Variants in MLIP observed in about 807,000 individuals in gnomAD.
MLIP encodes muscular LMNA-interacting protein.
MLIP carries 79 observed loss-of-function variants against 84.8 expected under a neutral mutation model. The observed-to-expected ratio is 0.93, with a 90% CI of 0.78 to 1.12. The LOEUF (loss-of-function observed/expected upper bound fraction) is 1.12, where lower values mean the gene tolerates loss of function less well. Among genes scored for constraint, MLIP ranks in the 50% most tolerant of loss-of-function variants. The pLI is 0.00. For missense variants in MLIP, 1,257 were observed against 1,160.6 expected (o/e 1.08, Z -1.21); for synonymous variants, 504 against 463.0 (o/e 1.09, Z -1.14).
rs1766342626 is a variant in MLIP, at chr6:54,068,947, G to C, written c.63+49856G>C. On this transcript the variant is annotated intron_variant, in intron 1 of 12. Coordinates refer to the MLIP transcript ENST00000274897. ...CCATGTGTGCTCTAATTCATTGTCA[G>C]GTGGTGTAGCTATGAAATGTCAACT... Among the ~76,000 whole-genome samples the C allele has an allele frequency of 2.0e-5, 2 of 100,680 alleles. 1 individual carries two copies. Among genetic ancestry groups the C allele is most frequent in the Admixed American group, 1.8e-4 (2 of 10,924 alleles). The allele number at this position is 100,680 out of a possible 152,430, so 66.0% of individuals were successfully genotyped here.
At chr6:54,024,962 C>T (rs555974099) in intron 1 of MLIP, among the ~76,000 whole-genome samples, 2 of 151,648 alleles carry the variant, frequency 1.3e-5, no homozygotes, top group South Asian at 2.1e-4. Context: ...CTCAGTCTCC[C>T]GAGTAGCTGG....
intron 1 of MLIP, among the ~76,000 whole-genome samples, chr6:54,105,710 T>C (rs1768962676): frequency 6.6e-6 from 1 of 152,076 alleles, no homozygotes; most frequent in South Asian, 2.1e-4. Flanking sequence ...TATAAGGTGG[T>C]AAGGGATCTT....
intron 9 of MLIP, among the ~76,000 whole-genome samples, chr6:54,180,812 A>G (rs1327853467): frequency 6.6e-6 from 1 of 152,166 alleles, no homozygotes; most frequent in Non-Finnish European, 1.5e-5. Context: ...GAGAGGTCAC[A>G]TATCCCTGTT....
At chr6:54,253,011 G>A (rs1434796193) in intron 12 of MLIP, among the ~76,000 whole-genome samples, 1 of 151,982 alleles carries the variant, frequency 6.6e-6, no homozygotes, top group Non-Finnish European at 1.5e-5. Flanking sequence ...CTTTTCTGTA[G>A]CCATCGAATT....
chr6:54,043,908 T>A (rs1204240455), intron 1 of MLIP, among the ~76,000 whole-genome samples: 1 of 152,168 alleles, frequency 6.6e-6, no homozygotes, highest in African/African-American at 2.4e-5. Flanking sequence ...ATAGAGGTTT[T>A]CTCAGCTCAA....
intron 1 of MLIP, among the ~76,000 whole-genome samples, chr6:54,020,793 G>T (rs147201994): frequency 3.2e-4 from 49 of 152,320 alleles, no homozygotes; most frequent in Non-Finnish European, 4.4e-5. Context: ...TCTAGCCTCA[G>T]ATTGACTTCC....
rs151311651 is a variant in MLIP at position 54,067,930 on chromosome 6, G to A, written c.63+48839G>A. On this transcript the variant is annotated intron_variant, in intron 1 of 12. Coordinates refer to the MLIP transcript ENST00000274897. ...TCTCAGCCAAGCTAGGGATGCACAAGCCCTCAAGAACATCTGAAGCTGGGG... is the reference window on the plus strand; with the variant it reads ...TCTCAGCCAAGCTAGGGATGCACAAACCCTCAAGAACATCTGAAGCTGGGG... Among the ~76,000 whole-genome samples the A allele has an allele frequency of 4.0e-5, 4 of 99,972 alleles. 1 individual carries two copies. In the East Asian group the frequency reaches 1.1e-3, roughly 27 times the overall value. The allele number at this position is 99,972 out of a possible 152,430, so 65.6% of individuals were successfully genotyped here.
In MLIP at chr6:54,234,293, A is replaced by T. The variant is rs951335917; in HGVS notation, c.2922+3376A>T. Among the ~76,000 whole-genome samples, 4 of 152,146 alleles carry T rather than the reference A, an allele frequency of 2.6e-5. No homozygotes were observed. In the East Asian group the frequency reaches 7.7e-4, roughly 29 times the overall value. ...TACTCATTTTTAAAATGAGAATAAT[A>T]ATAGTACCTACCTTATTAGAGTATT... On this transcript the variant is annotated intron_variant, in intron 12 of 13. Coordinates refer to ENST00000502396, the MANE Select transcript of MLIP (RefSeq NM_001281747.2).
At position 54,019,106 on chromosome 6, in the gene MLIP, T is replaced by G. The variant is rs199557799; in HGVS notation, c.63+15T>G. The G allele has an allele frequency of 5.0e-6, 8 of 1,611,558 alleles. No homozygotes were observed. In the East Asian group the frequency reaches 1.6e-4, roughly 31 times the overall value. ...AGAAACTGACGGTAAGACATGAGAT[T>G]TAGCACACACAGATTTATAATGAAA... On this transcript the variant is annotated intron_variant, in intron 1 of 12. Coordinates refer to the MLIP transcript ENST00000274897.
At chr6:54,047,065 T>A (rs1317760730) in intron 1 of MLIP, 2 of 152,332 alleles carry the variant, frequency 1.3e-5, no homozygotes, top group African/African-American at 2.4e-5. Flanking sequence ...GACCAAGATA[T>A]TAATGATCCT....
intron 12 of MLIP, among the ~76,000 whole-genome samples, chr6:54,251,756 T>C (rs1281295436): frequency 1.0e-5 from 1 of 99,696 alleles, no homozygotes; most frequent in Non-Finnish European, 1.8e-5. Context: ...TAGCATATAA[T>C]ATATAATATA....
chr6:54,119,418 G>A (rs1253820768), intron 1 of MLIP, among the ~76,000 whole-genome samples: 1 of 152,208 alleles, frequency 6.6e-6, no homozygotes, highest in Non-Finnish European at 1.5e-5. Context: ...GTTATGTTAA[G>A]TGGAATAAGC....
chr6:54,109,711 C>T (rs1395236594), upstream of MLIP, among the ~76,000 whole-genome samples: 2 of 152,026 alleles, frequency 1.3e-5, no homozygotes, highest in Non-Finnish European at 2.9e-5. Context: ...CTTTGCTACT[C>T]AAAGTGTAAC....
intron 9 of MLIP, among the ~76,000 whole-genome samples, chr6:54,173,103 A>G (rs1150879): frequency 0.94 from 142,859 of 151,608 alleles, 67,887 homozygotes; most frequent in East Asian, 1. Context: ...CTTGAAAATA[A>G]AGCTTGGCTA....
At chr6:54,244,562 T>A (rs1562099628) in intron 12 of MLIP, among the ~76,000 whole-genome samples, 1 of 152,200 alleles carries the variant, frequency 6.6e-6, no homozygotes, top group Admixed American at 6.5e-5. Flanking sequence ...GAAGTGGTTT[T>A]GCAAAATGAA....
In MLIP at chr6:54,171,406, C is replaced by A. The variant is rs527267637; in HGVS notation, c.2544+1834C>A. Among the ~76,000 whole-genome samples, 5 of 151,552 alleles carry A rather than the reference C, an allele frequency of 3.3e-5. No individual in the cohort carries two copies. The East Asian group carries it at 9.7e-4, about 29-fold the overall frequency. ...GAAGCTTTGTTTTCACTTTATTTTA[C>A]AACATGACATTTGAATTGTTGTTTG... On this transcript the variant is annotated intron_variant, in intron 9 of 13. Transcript: ENST00000502396.
intron 11 of MLIP, among the ~76,000 whole-genome samples, chr6:54,206,881 A>G (rs1035784083): frequency 2.6e-5 from 4 of 152,224 alleles, no homozygotes; most frequent in Admixed American, 1.3e-4. Flanking sequence ...GCTTTGTCAC[A>G]AACTACCACT....
At chr6:54,220,942 T>C (rs994112529) in intron 11 of MLIP, among the ~76,000 whole-genome samples, 3 of 151,010 alleles carry the variant, frequency 2.0e-5, no homozygotes, top group Admixed American at 6.6e-5. Context: ...CACACACACG[T>C]AGAGGATTCT....
intron 9 of MLIP, among the ~76,000 whole-genome samples, chr6:54,177,213 C>T (rs935537049): frequency 2.3e-4 from 34 of 150,622 alleles, no homozygotes; most frequent in South Asian, 6.2e-4. Flanking sequence ...ATCTAATTAA[C>T]GAGCTTTTGC....
Sources: gnomAD v4.1 joint callset for allele counts (sites outside exome capture counted in the v4.1 genomes callset) on GRCh38, gnomAD v4.1.1 for gene constraint, MANE v1.5 for transcripts, NCBI Gene and HGNC (gene_info 2026-07-23, HGNC 2026-07-21) for gene names.